FBXW7: variants seen among roughly 807,000 people sequenced by gnomAD.
The protein encoded by FBXW7 is F-box and WD repeat domain containing 7, also known as F-box/WD repeat-containing protein 7.
FBXW7 carries 11 observed loss-of-function variants against 86.3 expected under a neutral mutation model. The observed-to-expected ratio is 0.13, with a 90% CI of 0.08 to 0.21. FBXW7 has a LOEUF of 0.21. FBXW7 is among the 10% of genes least tolerant of loss of function. The probability of loss-of-function intolerance (pLI) is 1.00; values close to 1 mark genes in which losing one functional copy is unlikely to be tolerated. For missense variants in FBXW7, 488 were observed against 847.4 expected, an observed-to-expected ratio of 0.58 and a Z score of 5.27; for synonymous variants, 313 against 297.9, an observed-to-expected ratio of 1.05 and a Z score of -0.52.
intron 2 of FBXW7, among the ~76,000 whole-genome samples, chr4:152,517,218 G>T (rs1288102101): frequency 6.6e-6 from 1 of 152,004 alleles, no homozygotes; most frequent in East Asian, 1.9e-4. Flanking sequence ...TGGAGGGGTG[G>T]TTTTTTTAAA....
chr4:152,508,648 C>A (rs1464542886), intron 2 of FBXW7, among the ~76,000 whole-genome samples: 3 of 146,834 alleles, frequency 2.0e-5, no homozygotes, highest in Non-Finnish European at 4.5e-5. Context: ...CATGATCGTG[C>A]CACTGCAAAA....
At chr4:152,409,672 A>T (rs1336340946) in intron 4 of FBXW7, among the ~76,000 whole-genome samples, 1 of 152,074 alleles carries the variant, frequency 6.6e-6, no homozygotes, top group Non-Finnish European at 1.5e-5. Context: ...TCATCTCATG[A>T]TCAACAATAT....
intron 2 of FBXW7, among the ~76,000 whole-genome samples, chr4:152,433,197 T>C (rs567460242): frequency 1.3e-5 from 2 of 152,342 alleles, no homozygotes; most frequent in East Asian, 3.9e-4. Context: ...AGCATTCTTG[T>C]GCCAGCCTAT....
intron 6 of FBXW7, among the ~76,000 whole-genome samples, chr4:152,338,851 T>C (rs1730425707): frequency 6.6e-6 from 1 of 152,152 alleles, no homozygotes; most frequent in African/African-American, 2.4e-5. Context: ...TAAGTACCAT[T>C]TTAAGAATTA....
chr4:152,391,250 A>G (rs1045916502), intron 4 of FBXW7, among the ~76,000 whole-genome samples: 2 of 152,150 alleles, frequency 1.3e-5, no homozygotes. Flanking sequence ...TAGAAAATAC[A>G]TATTTAGAAC....
intron 4 of FBXW7, among the ~76,000 whole-genome samples, chr4:152,397,449 C>CT (rs1225945214): frequency 6.6e-6 from 1 of 151,814 alleles, no homozygotes; most frequent in Non-Finnish European, 1.5e-5. Context: ...GAGTCTCACT[C>CT]TGTCACCGAG....
intron 4 of FBXW7, among the ~76,000 whole-genome samples, chr4:152,370,366 T>C (rs1232874437): frequency 6.6e-6 from 1 of 151,982 alleles, no homozygotes; most frequent in African/African-American, 2.4e-5. Flanking sequence ...TACCACAAAA[T>C]AATCATAAAC....
At chr4:152,528,826 A>T (rs1422427793) in intron 2 of FBXW7, among the ~76,000 whole-genome samples, 3 of 152,216 alleles carry the variant, frequency 2.0e-5, no homozygotes. Context: ...CAGGATATTA[A>T]GTGATATTAA....
At chr4:152,460,635 T>C (rs1000541994) in intron 2 of FBXW7, among the ~76,000 whole-genome samples, 1 of 152,248 alleles carries the variant, frequency 6.6e-6, no homozygotes, top group Non-Finnish European at 1.5e-5. Flanking sequence ...ACCATATCCA[T>C]GGCTAGAGGT....
At position 152,525,841 on chromosome 4, in the gene FBXW7, G is replaced by A. The variant is rs576865851; in HGVS notation, c.-120+9100C>T. On this transcript the variant is annotated intron_variant, in intron 2 of 13. Coordinates refer to ENST00000281708, the MANE Select transcript of FBXW7 (RefSeq NM_001349798.2). Reference sequence around the variant, plus strand: ...CCATTAGTAATGGGATTGCTGGGTGGAATGGTAGTTCTGCTGTTAGCTCTT... The same window carrying A: ...CCATTAGTAATGGGATTGCTGGGTGAAATGGTAGTTCTGCTGTTAGCTCTT... 9.9e-5 allele frequency among the ~76,000 whole-genome samples: 15 copies of A among 152,258 alleles called. No individual in the cohort carries two copies. In the South Asian group the frequency reaches 3.1e-3, roughly 32 times the overall value.
rs1728643028 is a variant in FBXW7 at position 152,322,560 on chromosome 4, T to C, written c.*321A>G. 1 of 347,758 alleles carries C rather than the reference T, an allele frequency of 2.9e-6. No individual in the cohort carries two copies. The highest frequency in any genetic ancestry group is 5.3e-6 in the Non-Finnish European group (1 of 189,714). The allele number at this position is 347,758 out of a possible 1,614,324, so 21.5% of individuals were successfully genotyped here. ...ATGTTTCAGCATTAACACTGCCCAA[T>C]GACCACTGGAGAAGAAAATAAAGAA... On this transcript the variant is annotated 3_prime_UTR_variant, in exon 14 of 14. Coordinates refer to ENST00000281708, the MANE Select transcript of FBXW7 (RefSeq NM_001349798.2).
At chr4:152,479,517 A>G (rs1476991945) in intron 2 of FBXW7, among the ~76,000 whole-genome samples, 1 of 151,750 alleles carries the variant, frequency 6.6e-6, no homozygotes, top group African/African-American at 2.4e-5. Flanking sequence ...ATGTGTCAGG[A>G]CTCATGGCCA....
intron 2 of FBXW7, 132 bp downstream of exon 2, chr4:152,534,809 T>A (rs1750352776): frequency 6.6e-6 from 1 of 152,016 alleles, no homozygotes; most frequent in Non-Finnish European, 1.5e-5. Flanking sequence ...CCTTCCCCCC[T>A]CCGTGAATAA....
At chr4:152,464,722 GTT>G (rs1743251681) in intron 2 of FBXW7, among the ~76,000 whole-genome samples, 1 of 152,176 alleles carries the variant, frequency 6.6e-6, no homozygotes, top group Non-Finnish European at 1.5e-5. Flanking sequence ...TGTGAAGACA[GTT>G]AAAGAGATTT....
At chr4:152,358,249 T>G (rs897790013) in intron 4 of FBXW7, among the ~76,000 whole-genome samples, 3 of 152,146 alleles carry the variant, frequency 2.0e-5, no homozygotes, top group Non-Finnish European at 4.4e-5. Context: ...AGGAAAGAAT[T>G]TAACATGGAG....
intron 2 of FBXW7, among the ~76,000 whole-genome samples, chr4:152,468,774 G>A (rs554670505): frequency 3.3e-5 from 5 of 152,112 alleles, no homozygotes; most frequent in Admixed American, 3.3e-4. Flanking sequence ...AATTTGCTAA[G>A]ATGAAATATA....
At chr4:152,497,308 T>G (rs1270394054) in intron 2 of FBXW7, among the ~76,000 whole-genome samples, 1 of 101,946 alleles carries the variant, frequency 9.8e-6, no homozygotes. Flanking sequence ...GGAGACAGAG[T>G]GAGACTCCAT....
intron 4 of FBXW7, among the ~76,000 whole-genome samples, chr4:152,359,995 C>A (rs913605609): frequency 1.3e-5 from 2 of 152,108 alleles, no homozygotes; most frequent in African/African-American, 2.4e-5. Flanking sequence ...AATGGAAATA[C>A]GACTATTATT....
At chr4:152,444,779 T>C (rs961627856) in intron 2 of FBXW7, among the ~76,000 whole-genome samples, 1 of 152,234 alleles carries the variant, frequency 6.6e-6, no homozygotes, top group Non-Finnish European at 1.5e-5. Flanking sequence ...TGCCCTGATG[T>C]AAACTGGTAC....
Sources: allele counts gnomAD v4.1 joint callset (sites outside exome capture counted in the v4.1 genomes callset), GRCh38; gene constraint gnomAD v4.1.1; transcripts MANE v1.5; gene names NCBI Gene and HGNC (gene_info 2026-07-23, HGNC 2026-07-21).